Variants in CDH17 observed in about 807,000 individuals in gnomAD.
The protein encoded by CDH17 is cadherin 17.
CDH17 carries 67 observed loss-of-function variants against 86.3 expected under a neutral mutation model. The observed-to-expected ratio is 0.78, with a 90% CI of 0.64 to 0.95. CDH17 has a LOEUF of 0.95. CDH17 is among the 40% of genes least tolerant of loss of function. The pLI, the probability that CDH17 is intolerant of heterozygous loss-of-function variation, is 0.00. For missense variants in CDH17, 993 were observed against 1,017.6 expected (o/e 0.98, Z 0.33); for synonymous variants, 367 against 366.4 (o/e 1.00, Z -0.02).
At chr8:94,145,227 A>G (rs1489868963) in intron 15 of CDH17, among the ~76,000 whole-genome samples, 1 of 152,230 alleles carries the variant, frequency 6.6e-6, no homozygotes, top group Admixed American at 6.5e-5. Flanking sequence ...GCTTTGTAAT[A>G]GCAAAAGTTG....
In CDH17 at chr8:94,151,910, A is replaced by G. The variant is rs1308450215; in HGVS notation, c.1754T>C (p.Val585Ala). The stretch of plus-strand genomic sequence containing the variant: ...TGGATCCTTGGCAGTCACATTGCCC[A>G]CTTTAGTGCCTATAGCTACATCCTC... ...VSEDVAIGTK[V>A]GNVTAKDPEG... is the part of the protein sequence containing the mutation. Residue 585 changes from valine (V) to alanine (A), a missense_variant, in exon 13 of 18, where the codon GTG becomes GCG. By Grantham distance (64) the Val-to-Ala change is moderately conservative (BLOSUM62 0). Transcript: ENST00000027335. The G allele has an allele frequency of 6.2e-7, 1 of 1,614,052 alleles. No homozygotes were observed. Among genetic ancestry groups the G allele is most frequent in the African/African-American group, 1.3e-5 (1 of 74,930 alleles).
chr8:94,160,193 G>A, intron 11 of CDH17, 31 bp from the exon 12 acceptor site: 1 of 1,555,270 alleles, frequency 6.4e-7, no homozygotes. Context: ...GAAACAATGA[G>A]AAGGTCTGCT....
At chr8:94,170,333 T>C (rs1813242355) in intron 9 of CDH17, 64 bp downstream of exon 9, 3 of 1,554,888 alleles carry the variant, frequency 1.9e-6, no homozygotes, top group East Asian at 2.3e-5. Context: ...CTGCTCACCT[T>C]TTACCCAGCA....
chr8:94,142,588 T>C (rs755660903), intron 15 of CDH17, among the ~76,000 whole-genome samples: 44 of 152,200 alleles, frequency 2.9e-4, no homozygotes, highest in Non-Finnish European at 5.1e-4. Flanking sequence ...TTGATGGCAT[T>C]TTACCCACAA....
At chr8:94,141,822 T>A (rs1428778905) in intron 15 of CDH17, among the ~76,000 whole-genome samples, 2 of 152,198 alleles carry the variant, frequency 1.3e-5, no homozygotes, top group Non-Finnish European at 2.9e-5. Flanking sequence ...TTCAATACAA[T>A]CTCAACAGGA....
At chr8:94,191,283 T>A (rs1319675745) in intron 2 of CDH17, among the ~76,000 whole-genome samples, 2 of 152,082 alleles carry the variant, frequency 1.3e-5, no homozygotes, top group Admixed American at 1.3e-4. Context: ...CAAAAAATGG[T>A]GTAGCAAAGA....
At chr8:94,169,950 G>A (rs7833351) in intron 9 of CDH17, among the ~76,000 whole-genome samples, 87,534 of 151,938 alleles carry the variant, frequency 0.58, 26,343 homozygotes, top group Non-Finnish European at 0.68. Context: ...TTCCATTGGT[G>A]TTGCTTACTT....
At chr8:94,166,855 G>A (rs1044324438) in intron 9 of CDH17, among the ~76,000 whole-genome samples, 2 of 152,108 alleles carry the variant, frequency 1.3e-5, no homozygotes, top group Non-Finnish European at 2.9e-5. Context: ...AACAGAAGCC[G>A]GAAGAGGCAA....
At chr8:94,134,167 C>T (rs1459824220) in intron 15 of CDH17, among the ~76,000 whole-genome samples, 1 of 152,194 alleles carries the variant, frequency 6.6e-6, no homozygotes, top group Non-Finnish European at 1.5e-5. Flanking sequence ...AAGCTGGCCT[C>T]ATAAAATGAG....
intron 1 of CDH17, among the ~76,000 whole-genome samples, chr8:94,195,886 A>C (rs1271630938): frequency 1.3e-5 from 2 of 151,794 alleles, no homozygotes; most frequent in Non-Finnish European, 2.9e-5. Context: ...TCAGCCTCCC[A>C]AGTAGCTGGG....
chr8:94,179,046 TAAA>T (rs3033905), intron 3 of CDH17, among the ~76,000 whole-genome samples: 1 of 139,032 alleles, frequency 7.2e-6, no homozygotes, highest in African/African-American at 2.6e-5. Context: ...GAATGTTTAT[TAAA>T]AAAAAAAAAA....
rs925337481 is a variant in CDH17 at position 94,194,674 on chromosome 8, C to T, written c.12G>A (p.Gln4=). 5.6e-6 allele frequency: 9 copies of T among 1,605,928 alleles called. No homozygotes were observed. Among genetic ancestry groups the T allele is most frequent in the Non-Finnish European group, 7.7e-6 (9 of 1,174,494 alleles). The part of the protein sequence containing the change: MIL[Q]AHLHSLCLLM... ...GAAGACACAGGGAGTGAAGATGGGC[C>T]TGAAGTATCATAGTTTTCTTTATTC... Residue 4 remains glutamine, a synonymous_variant, in exon 2 of 18, where the codon CAG becomes CAA. Coordinates refer to ENST00000027335, the MANE Select transcript of CDH17 (RefSeq NM_004063.4).
Position 94,132,140 on chromosome 8 carries a change from G to A in CDH17, c.2168-1148C>T, listed in dbSNP as rs191962992. Among the ~76,000 whole-genome samples, 366 of 152,222 alleles carry A rather than the reference G, an allele frequency of 2.4e-3. 3 individuals are homozygous for A. The highest frequency in any genetic ancestry group is 7.9e-3 in the African/African-American group (330 of 41,548). On this transcript the variant is annotated intron_variant, in intron 15 of 17. Coordinates refer to ENST00000027335, the MANE Select transcript of CDH17 (RefSeq NM_004063.4). The stretch of plus-strand genomic sequence containing the variant: ...GTGAATAGTGCCACAATAAACATAC[G>A]TGTGCACGTGTCTTTATAGTAGCAT...
At chr8:94,185,321 A>AT (rs1482427077) in intron 3 of CDH17, among the ~76,000 whole-genome samples, 8 of 150,798 alleles carry the variant, frequency 5.3e-5, no homozygotes, top group Non-Finnish European at 1.0e-4. Context: ...ACACCCCTGT[A>AT]AAGAAGAAAC....
chr8:94,207,303 A>T (rs547233313), intron 1 of CDH17, among the ~76,000 whole-genome samples: 1 of 152,230 alleles, frequency 6.6e-6, no homozygotes, highest in East Asian at 1.9e-4. Context: ...GAACTTTCTC[A>T]TGGAACAGAG....
chr8:94,215,346 A>C (rs1305489907), intron 1 of CDH17, among the ~76,000 whole-genome samples: 1 of 152,252 alleles, frequency 6.6e-6, no homozygotes. Flanking sequence ...ATACTACAAG[A>C]CTAAACCTTG....
chr8:94,134,976 T>C (rs865995492), intron 15 of CDH17, among the ~76,000 whole-genome samples: 59 of 152,190 alleles, frequency 3.9e-4, no homozygotes, highest in African/African-American at 1.4e-3. Context: ...TGGTTTTGAG[T>C]GAGTTTTTGT....
At chr8:94,150,788 G>A (rs1233983390) in intron 13 of CDH17, among the ~76,000 whole-genome samples, 1 of 152,176 alleles carries the variant, frequency 6.6e-6, no homozygotes, top group Admixed American at 6.5e-5. Flanking sequence ...TCATGAAGAA[G>A]ATAGGAACTT....
At chr8:94,153,007 T>C (rs190373731) in intron 12 of CDH17, among the ~76,000 whole-genome samples, 240 of 152,092 alleles carry the variant, frequency 1.6e-3, no homozygotes, top group African/African-American at 5.6e-3. Flanking sequence ...AAACACAGAC[T>C]ACAAAAGCAA....
Sources: allele counts gnomAD v4.1 joint callset (sites outside exome capture counted in the v4.1 genomes callset), GRCh38; gene constraint gnomAD v4.1.1; transcripts MANE v1.5; gene names NCBI Gene and HGNC (gene_info 2026-07-23, HGNC 2026-07-21).